PPP1R21: variants seen among roughly 807,000 people sequenced by gnomAD.
The protein encoded by PPP1R21 is KLRAQ motif containing 1.
In PPP1R21, 85 loss-of-function variants were observed where a neutral mutation model predicts 112.8. The ratio of observed to expected loss-of-function variants is 0.75; its 90% CI spans 0.63 to 0.90. The LOEUF is 0.90. Ranked by LOEUF, PPP1R21 falls within the 40% of genes least tolerant of loss-of-function variation. The pLI, the probability that PPP1R21 is intolerant of heterozygous loss-of-function variation, is 0.00. For missense variants in PPP1R21, 1,199 were observed against 901.5 expected (o/e 1.33, Z -4.23); for synonymous variants, 381 against 322.3 (o/e 1.18, Z -1.95).
At chr2:48,477,933 G>A (rs745517581) in intron 12 of PPP1R21, among the ~76,000 whole-genome samples, 1 of 152,078 alleles carries the variant, frequency 6.6e-6, no homozygotes, top group Non-Finnish European at 1.5e-5. Context: ...ATTAAGATGA[G>A]GTCATACTGG....
At chr2:48,468,893 G>C (rs574149606) in intron 9 of PPP1R21, among the ~76,000 whole-genome samples, 26 of 150,708 alleles carry the variant, frequency 1.7e-4, no homozygotes, top group African/African-American at 6.1e-4. Flanking sequence ...ATATGTATAA[G>C]TCCGTCTTCA....
intron 17 of PPP1R21, among the ~76,000 whole-genome samples, chr2:48,503,222 C>T (rs1466444082): frequency 6.6e-6 from 1 of 152,046 alleles, no homozygotes; most frequent in Non-Finnish European, 1.5e-5. Context: ...TGACATTATC[C>T]TGAATAATCA....
At position 48,495,715 on chromosome 2, in the gene PPP1R21, G is replaced by A; in HGVS notation, c.1636G>A (p.Ala546Thr). 6.2e-7 allele frequency: 1 copy of A among 1,612,490 alleles called. No homozygotes were observed. ...GTCTGTGCCTTATGAAGAAGCACTG[G>A]CAAACCGCCGCATCCTTCTCAGCTC... ...LESVPYEEALANRRILLSSTE... is the reference protein window; with the variant it reads ...LESVPYEEALTNRRILLSSTE... The change falls in exon 16 of 22, where the codon GCA (alanine) becomes ACA (threonine). Residue 546 changes from alanine (A) to threonine (T), a missense_variant. Physicochemically the swap from Ala to Thr is moderately conservative, Grantham distance 58 (BLOSUM62 0). Coordinates refer to ENST00000294952, the MANE Select transcript of PPP1R21 (RefSeq NM_001135629.3).
chr2:48,466,049 G>T (rs912702114), intron 9 of PPP1R21, among the ~76,000 whole-genome samples: 1 of 152,094 alleles, frequency 6.6e-6, no homozygotes, highest in African/African-American at 2.4e-5. Flanking sequence ...AAAACCATCA[G>T]ATCTCGTGAG....
chr2:48,441,036 G>T (rs368368219), intron 1 of PPP1R21, 26 bp downstream of exon 1: 18 of 1,555,114 alleles, frequency 1.2e-5, no homozygotes, highest in Non-Finnish European at 1.6e-5. Context: ...TGGGAGTAGG[G>T]GGTCCCCCGC....
Position 48,478,497 on chromosome 2 carries a change from T to C in PPP1R21, c.1226-1427T>C, listed in dbSNP as rs1668856931. On this transcript the variant is annotated intron_variant, in intron 12 of 21. Transcript: ENST00000294952. ...GGCAGGGCTCTCCTTCACTGTCTCTTTCACTGATCACACCCAGGTTTAAGC... is the reference window on the plus strand; with the variant it reads ...GGCAGGGCTCTCCTTCACTGTCTCTCTCACTGATCACACCCAGGTTTAAGC... Among the ~76,000 whole-genome samples, 4 of 152,200 alleles carry C rather than the reference T, an allele frequency of 2.6e-5. No homozygotes were observed. In the South Asian group the frequency reaches 8.3e-4, roughly 31 times the overall value.
chr2:48,440,971 G>T lies in PPP1R21; in HGVS notation c.18G>T (p.Leu6Phe), dbSNP rs548483183. 1.9e-6 allele frequency: 3 copies of T among 1,612,138 alleles called. No homozygotes were observed. The South Asian group carries it at 3.3e-5, about 18-fold the overall frequency. MASAE[L>F]QGKYQKLAQE... is the part of the protein sequence containing the mutation. ...GGGAGGCCATGGCCTCGGCTGAGTTGCAGGGGAAGTACCAGAAGCTGGCTC... is the reference window on the plus strand; with the variant it reads ...GGGAGGCCATGGCCTCGGCTGAGTTTCAGGGGAAGTACCAGAAGCTGGCTC... Residue 6 changes from leucine to phenylalanine, a missense_variant, in exon 1 of 22, where the codon TTG (leucine) becomes TTT (phenylalanine). Coordinates refer to ENST00000294952, the MANE Select transcript of PPP1R21 (RefSeq NM_001135629.3).
chr2:48,501,832 T>C (rs1390983684), intron 17 of PPP1R21: 1 of 151,822 alleles, frequency 6.6e-6, no homozygotes, highest in Admixed American at 6.6e-5. Flanking sequence ...CAAATAAACA[T>C]CAGATAAACT....
At chr2:48,479,626 G>A (rs1668915304) in intron 12 of PPP1R21, 6 of 574,860 alleles carry the variant, frequency 1.0e-5, no homozygotes, top group African/African-American at 1.9e-5. Flanking sequence ...TAATAACAAG[G>A]TAAACATTCA....
At chr2:48,490,811 G>A (rs111517076) in intron 14 of PPP1R21, among the ~76,000 whole-genome samples, 2 of 152,112 alleles carry the variant, frequency 1.3e-5, no homozygotes, top group Admixed American at 1.3e-4. Context: ...AATTTGTTCT[G>A]ACTATTTATA....
chr2:48,441,318 C>G (rs1300732307), intron 1 of PPP1R21: 1 of 461,150 alleles, frequency 2.2e-6, no homozygotes, highest in Non-Finnish European at 4.0e-6. Context: ...CTAATGCTGG[C>G]TGAGAAGGGA....
chr2:48,508,609 C>G (rs1259297478), intron 19 of PPP1R21, among the ~76,000 whole-genome samples: 1 of 152,206 alleles, frequency 6.6e-6, no homozygotes, highest in Admixed American at 6.5e-5. Flanking sequence ...AGCCGGCAGT[C>G]CAGCAGGCAT....
At chr2:48,461,985 A>C (rs980430210) in intron 7 of PPP1R21, among the ~76,000 whole-genome samples, 1 of 152,234 alleles carries the variant, frequency 6.6e-6, no homozygotes, top group Non-Finnish European at 1.5e-5. Context: ...AGCCCATGTC[A>C]TTATTGTATC....
chr2:48,451,885 A>C (rs1309524669), intron 2 of PPP1R21, among the ~76,000 whole-genome samples: 1 of 152,178 alleles, frequency 6.6e-6, no homozygotes, highest in African/African-American at 2.4e-5. Flanking sequence ...CACTTAGGCA[A>C]CTAAGCCCCA....
At chr2:48,477,959 A>G (rs575544439) in intron 12 of PPP1R21, among the ~76,000 whole-genome samples, 1 of 152,346 alleles carries the variant, frequency 6.6e-6, no homozygotes, top group East Asian at 1.9e-4. Flanking sequence ...AGAGAGTCCT[A>G]AATCCAATGA....
chr2:48,502,788 C>G (rs954550392), intron 17 of PPP1R21, among the ~76,000 whole-genome samples: 1 of 145,984 alleles, frequency 6.9e-6, no homozygotes, highest in Non-Finnish European at 1.5e-5. Context: ...TCACGCCATT[C>G]TCCTGCCTCA....
chr2:48,486,682 C>T lies in PPP1R21; in HGVS notation c.1370C>T (p.Thr457Ile). The T allele has an allele frequency of 6.2e-7, 1 of 1,613,632 alleles. No homozygotes were observed. The highest frequency in any genetic ancestry group is 8.5e-7 in the Non-Finnish European group (1 of 1,179,594). The change falls in exon 14 of 22, where the codon ACA becomes ATA. Residue 457 changes from threonine (T) to isoleucine (I), a missense_variant. By Grantham distance (89) the Thr-to-Ile change is moderately conservative. Coordinates refer to ENST00000294952, the MANE Select transcript of PPP1R21 (RefSeq NM_001135629.3). ...GCTGCAATAGAGCATGAACTTCCAA[C>T]AGCAACACAGAAGCTGATAACAACT... is the stretch of plus-strand genomic sequence containing the variant. ...QKAAIEHELPTATQKLITTND... is the reference protein window; with the variant it reads ...QKAAIEHELPIATQKLITTND...
intron 1 of PPP1R21, among the ~76,000 whole-genome samples, chr2:48,444,005 G>C (rs1014477202): frequency 3.3e-5 from 5 of 151,986 alleles, no homozygotes; most frequent in African/African-American, 1.2e-4. Flanking sequence ...TTCCAGGAAA[G>C]GTCCCATCTC....
intron 13 of PPP1R21, among the ~76,000 whole-genome samples, chr2:48,481,040 G>A (rs1218414173): frequency 6.6e-6 from 1 of 152,182 alleles, no homozygotes; most frequent in Non-Finnish European, 1.5e-5. Context: ...CCAGGCTGGA[G>A]TGCAGTGGTG....
Sources: gnomAD v4.1 joint callset for allele counts (sites outside exome capture counted in the v4.1 genomes callset) on GRCh38, gnomAD v4.1.1 for gene constraint, MANE v1.5 for transcripts, NCBI Gene and HGNC (gene_info 2026-07-23, HGNC 2026-07-21) for gene names.